DGKB: variants seen among roughly 807,000 people sequenced by gnomAD.
DGKB encodes 90 kDa diacylglycerol kinase.
Under a neutral mutation model 114.3 loss-of-function variants are expected in DGKB, and 67 were observed. The observed-to-expected ratio is 0.59, with a 90% CI of 0.48 to 0.72. The LOEUF is 0.72. DGKB is among the 30% of genes least tolerant of loss of function. The pLI, the probability that DGKB is intolerant of heterozygous loss-of-function variation, is 0.00. For synonymous variants in DGKB, 398 were observed against 323.1 expected (o/e 1.23, Z -2.49); for missense variants, 907 against 975.2 (o/e 0.93, Z 0.93).
chr7:14,879,952 T>G (rs2128211325), intron 1 of DGKB, among the ~76,000 whole-genome samples: 1 of 152,310 alleles, frequency 6.6e-6, no homozygotes, highest in Non-Finnish European at 1.5e-5. Context: ...TTCCTATTAC[T>G]TAGCATTTCT....
chr7:14,686,405 T>C (rs1044904196), intron 9 of DGKB, among the ~76,000 whole-genome samples: 1 of 152,186 alleles, frequency 6.6e-6, no homozygotes, highest in Non-Finnish European at 1.5e-5. Flanking sequence ...AGTCTAATCA[T>C]CAAATTATAT....
chr7:14,737,410 G>A (rs1362829492), intron 4 of DGKB, among the ~76,000 whole-genome samples: 1 of 150,238 alleles, frequency 6.7e-6, no homozygotes, highest in African/African-American at 2.4e-5. Flanking sequence ...ATTAACTTTG[G>A]AATAGAAAGT....
Position 14,419,604 on chromosome 7 carries a change from T to G in DGKB, c.1835+58557A>C, listed in dbSNP as rs140812781. Among the ~76,000 whole-genome samples, 139 of 150,638 alleles carry G rather than the reference T, an allele frequency of 9.2e-4. No homozygotes were observed. In the East Asian group the frequency reaches 0.026, roughly 28 times the overall value. ...ATCCTTAAAGTTGTGTTGAAATGAT[T>G]GAAGATAAATGCACTTAATTTGAAA... On this transcript the variant is annotated intron_variant, in intron 21 of 25. Coordinates refer to ENST00000402815, the MANE Select transcript of DGKB (RefSeq NM_001350709.2).
chr7:14,948,909 A>G (rs1440453048), intron 1 of DGKB, among the ~76,000 whole-genome samples: 1 of 151,750 alleles, frequency 6.6e-6, no homozygotes, highest in African/African-American at 2.4e-5. Context: ...GAAATATGCC[A>G]AAAGATTTGC....
At chr7:14,849,352 T>C (rs1437633410) in intron 1 of DGKB, among the ~76,000 whole-genome samples, 2 of 152,054 alleles carry the variant, frequency 1.3e-5, no homozygotes, top group Admixed American at 1.3e-4. Flanking sequence ...ATTGTAACAA[T>C]ATTATCAAGT....
At chr7:14,939,163 A>G (rs1785426708) in intron 1 of DGKB, among the ~76,000 whole-genome samples, 1 of 152,152 alleles carries the variant, frequency 6.6e-6, no homozygotes, top group Admixed American at 6.6e-5. Flanking sequence ...GCTTTGCATT[A>G]GTACTTTGTA....
chr7:14,721,372 A>G (rs1829138076), intron 5 of DGKB, among the ~76,000 whole-genome samples: 1 of 152,174 alleles, frequency 6.6e-6, no homozygotes. Flanking sequence ...GTACACATAT[A>G]ATTTGTATTT....
At chr7:14,961,142 ATGCT>A (rs1240398312) in intron 1 of DGKB, among the ~76,000 whole-genome samples, 2 of 152,094 alleles carry the variant, frequency 1.3e-5, no homozygotes, top group Non-Finnish European at 2.9e-5. Flanking sequence ...TTCAGTCATA[ATGCT>A]TTCTATTTCT....
chr7:14,237,658 G>C (rs1317843788), intron 23 of DGKB, among the ~76,000 whole-genome samples: 1 of 151,824 alleles, frequency 6.6e-6, no homozygotes, highest in Non-Finnish European at 1.5e-5. Flanking sequence ...ACAGGCCTGA[G>C]AGCAACAAAA....
Position 14,708,593 on chromosome 7 carries a change from C to T in DGKB, c.467-6863G>A, listed in dbSNP as rs1216139195. Among the ~76,000 whole-genome samples, 6 of 151,382 alleles carry T rather than the reference C, an allele frequency of 4.0e-5. No homozygotes were observed. In the East Asian group the frequency reaches 1.2e-3, roughly 29 times the overall value. ...TACAAGGCTACAGTAACCAAAACAG[C>T]ATGGTACTGGTACCAAAACAGAGAT... is the stretch of plus-strand genomic sequence containing the variant. On this transcript the variant is annotated intron_variant, in intron 6 of 25. Transcript: ENST00000402815.
intron 21 of DGKB, among the ~76,000 whole-genome samples, chr7:14,346,891 A>G (rs1348347028): frequency 6.6e-6 from 1 of 152,020 alleles, no homozygotes; most frequent in South Asian, 2.1e-4. Flanking sequence ...TTCTTAATGA[A>G]TATTTTATGA....
chr7:14,454,702 C>T (rs1832025384), intron 21 of DGKB, among the ~76,000 whole-genome samples: 1 of 152,030 alleles, frequency 6.6e-6, no homozygotes, highest in Non-Finnish European at 1.5e-5. Context: ...TCTGACACAT[C>T]TTTGTAAATC....
chr7:14,558,877 C>T (rs1381572480), intron 20 of DGKB, among the ~76,000 whole-genome samples: 1 of 152,158 alleles, frequency 6.6e-6, no homozygotes, highest in Admixed American at 6.5e-5. Flanking sequence ...GAAATCCCTG[C>T]CTGAAGTACC....
At chr7:14,378,244 A>C (rs1224844764) in intron 21 of DGKB, among the ~76,000 whole-genome samples, 1 of 152,164 alleles carries the variant, frequency 6.6e-6, no homozygotes, top group East Asian at 1.9e-4. Context: ...TGACCTCTTT[A>C]CGAACATTGA....
At chr7:14,350,084 C>T (rs557602313) in intron 21 of DGKB, among the ~76,000 whole-genome samples, 1 of 152,074 alleles carries the variant, frequency 6.6e-6, no homozygotes, top group Non-Finnish European at 1.5e-5. Flanking sequence ...ATTTAATGCT[C>T]AAAGTGCTTG....
At chr7:14,865,996 A>T (rs561490063) in intron 1 of DGKB, among the ~76,000 whole-genome samples, 2 of 152,326 alleles carry the variant, frequency 1.3e-5, no homozygotes, top group African/African-American at 4.8e-5. Context: ...GAATACAAAA[A>T]TACAGATCAT....
At chr7:14,583,775 T>G (rs572520218) in intron 17 of DGKB, among the ~76,000 whole-genome samples, 3 of 152,200 alleles carry the variant, frequency 2.0e-5, no homozygotes, top group Admixed American at 6.5e-5. Flanking sequence ...CCACTGCTTC[T>G]GCTGTTACTG....
In DGKB at chr7:14,279,084, A is replaced by G. The variant is rs1469587910; in HGVS notation, c.2122+59431T>C. The stretch of plus-strand genomic sequence containing the variant: ...CCTCACTCAGGAAGCGCAAGGGGTC[A>G]GGGAGTTCCCTTTCCTAATCAAAGA... On this transcript the variant is annotated intron_variant, in intron 23 of 25. Transcript: ENST00000402815. Among the ~76,000 whole-genome samples, 8 of 152,220 alleles carry G rather than the reference A, an allele frequency of 5.3e-5. 1 individual carries two copies. In the South Asian group the frequency reaches 1.2e-3, roughly 24 times the overall value.
intron 23 of DGKB, among the ~76,000 whole-genome samples, chr7:14,246,032 G>T (rs1794422741): frequency 1.3e-5 from 2 of 152,138 alleles, no homozygotes; most frequent in Admixed American, 1.3e-4. Flanking sequence ...ATTTCAAGTT[G>T]CACATAGGAA....
Sources: allele counts gnomAD v4.1 joint callset (sites outside exome capture counted in the v4.1 genomes callset), GRCh38; gene constraint gnomAD v4.1.1; transcripts MANE v1.5; gene names NCBI Gene and HGNC (gene_info 2026-07-23, HGNC 2026-07-21).